The following ZMAT3 variants were observed in gnomAD, a reference collection of about 807,000 sequenced individuals.
ZMAT3 encodes the protein zinc finger matrin-type protein 3.
In ZMAT3, 17 loss-of-function variants were observed where a neutral mutation model predicts 32.3. That is an observed-to-expected ratio of 0.53 (90% CI 0.36 to 0.79). ZMAT3 has a LOEUF of 0.79. ZMAT3 is among the 30% of genes least tolerant of loss of function. The pLI, the probability that ZMAT3 is intolerant of heterozygous loss-of-function variation, is 0.00. For synonymous variants in ZMAT3, 120 were observed against 133.1 expected (o/e 0.90, Z 0.68); for missense variants, 329 against 359.7 (o/e 0.91, Z 0.69).
At chr3:179,068,626 G>A (rs1021199129) in intron 1 of ZMAT3, among the ~76,000 whole-genome samples, 1 of 152,112 alleles carries the variant, frequency 6.6e-6, no homozygotes, top group African/African-American at 2.4e-5. Context: ...AGCACTTATA[G>A]AACTAGCTAA....
chr3:179,031,561 GA>G (rs1719195180), intron 2 of ZMAT3, among the ~76,000 whole-genome samples: 1 of 152,138 alleles, frequency 6.6e-6, no homozygotes, highest in Non-Finnish European at 1.5e-5. Context: ...ATTTTTCTGG[GA>G]AAGACAAGAG....
chr3:179,024,771 A>G lies in ZMAT3; in HGVS notation c.*246T>C, dbSNP rs1718769497. 2.2e-6 allele frequency: 1 copy of G among 459,824 alleles called. No homozygotes were observed. The allele number at this position is 459,824 out of a possible 1,614,324, so 28.5% of individuals were successfully genotyped here. ...TGATGGGGTAGGTAGGTCACATGCT[A>G]TGAGCGGCTCAACACCATTGACCCT... On this transcript the variant is annotated 3_prime_UTR_variant, in exon 6 of 6. Transcript: ENST00000311417.
intron 2 of ZMAT3, among the ~76,000 whole-genome samples, chr3:179,044,811 A>T (rs1330161300): frequency 1.3e-5 from 2 of 152,074 alleles, no homozygotes; most frequent in African/African-American, 4.8e-5. Context: ...GTTCTCACTC[A>T]TACGTGGGAA....
At chr3:179,062,094 T>C (rs1310060609) in intron 2 of ZMAT3, among the ~76,000 whole-genome samples, 1 of 152,172 alleles carries the variant, frequency 6.6e-6, no homozygotes, top group African/African-American at 2.4e-5. Context: ...ATAAAAATAT[T>C]TTTAAATTTT....
intron 2 of ZMAT3, among the ~76,000 whole-genome samples, chr3:179,033,405 G>A (rs9835765): frequency 0.81 from 123,360 of 151,512 alleles, 50,601 homozygotes; most frequent in East Asian, 0.94. Flanking sequence ...CTCTGTTCAC[G>A]TGTTTATCTG....
At chr3:179,042,494 G>T (rs9855743) in intron 2 of ZMAT3, among the ~76,000 whole-genome samples, 94,307 of 152,002 alleles carry the variant, frequency 0.62, 29,429 homozygotes, top group East Asian at 0.8. Context: ...TCTCAATAGA[G>T]GCAGAAAAGG....
chr3:179,037,387 C>A (rs1336626959), intron 2 of ZMAT3, among the ~76,000 whole-genome samples: 1 of 152,210 alleles, frequency 6.6e-6, no homozygotes, highest in Non-Finnish European at 1.5e-5. Flanking sequence ...GGGCACCACC[C>A]ACATTCCCCT....
At chr3:179,065,379 T>C (rs909015840) in intron 2 of ZMAT3, among the ~76,000 whole-genome samples, 8 of 152,188 alleles carry the variant, frequency 5.3e-5, no homozygotes, top group African/African-American at 1.9e-4. Context: ...GTCAACTACA[T>C]AGTTTAGAAC....
chr3:179,027,550 T>A, intron 4 of ZMAT3, 27 bp from the exon 5 acceptor site: 3 of 1,613,910 alleles, frequency 1.9e-6, no homozygotes, highest in Non-Finnish European at 2.5e-6. Context: ...TAAAAAAGAG[T>A]GAGTCTTCTA....
intron 2 of ZMAT3, among the ~76,000 whole-genome samples, chr3:179,039,299 G>A (rs1435140012): frequency 1.3e-5 from 2 of 152,180 alleles, no homozygotes; most frequent in East Asian, 3.9e-4. Flanking sequence ...TGGGAGACAC[G>A]TCCCAGTAAG....
intron 2 of ZMAT3, among the ~76,000 whole-genome samples, chr3:179,060,570 G>A (rs557317241): frequency 6.6e-6 from 1 of 151,986 alleles, no homozygotes; most frequent in Non-Finnish European, 1.5e-5. Context: ...CTTAAACACA[G>A]GAGGCAGAAG....
intron 2 of ZMAT3, among the ~76,000 whole-genome samples, chr3:179,040,718 A>G (rs1212077607): frequency 2.0e-5 from 3 of 152,202 alleles, no homozygotes; most frequent in Non-Finnish European, 4.4e-5. Flanking sequence ...AAATTCACAC[A>G]TAACAATACT....
chr3:179,033,344 A>G (rs1248878431), intron 2 of ZMAT3, among the ~76,000 whole-genome samples: 1 of 152,196 alleles, frequency 6.6e-6, no homozygotes, highest in East Asian at 1.9e-4. Flanking sequence ...AGACACAAAC[A>G]CTGCGGAAGG....
Position 179,067,695 on chromosome 3 carries a change from G to A in ZMAT3, c.58C>T (p.Pro20Ser), listed in dbSNP as rs757749087. ...PPPKQPSPSP[P>S]MSVATRSTGT... is the part of the protein sequence containing the mutation. ...GTAGACCTGGTGGCCACTGACATAG[G>A]AGGCGAGGGTGAGGGCTGCTTAGGT... The change falls in exon 2 of 6, where the codon CCT becomes TCT. Residue 20 changes from proline (P) to serine (S), a missense_variant. Coordinates refer to ENST00000311417, the MANE Select transcript of ZMAT3 (RefSeq NM_022470.4). 63 of 1,614,058 alleles carry A rather than the reference G, an allele frequency of 3.9e-5. No homozygotes were observed. The highest frequency in any genetic ancestry group is 3.0e-4 in the Admixed American group (18 of 60,006).
chr3:179,067,230 T>C (rs1477148057), intron 2 of ZMAT3, among the ~76,000 whole-genome samples: 1 of 152,182 alleles, frequency 6.6e-6, no homozygotes, highest in Non-Finnish European at 1.5e-5. Flanking sequence ...TCATTTACAT[T>C]TGCCTACAAA....
intron 1 of ZMAT3, among the ~76,000 whole-genome samples, chr3:179,070,975 A>C (rs1207391655): frequency 1.3e-5 from 2 of 152,346 alleles, no homozygotes; most frequent in Middle Eastern, 3.4e-3. Context: ...CACCTCAGCA[A>C]ACTAGGTAAG....
chr3:179,071,074 A>G (rs1477804952), intron 1 of ZMAT3, among the ~76,000 whole-genome samples: 2 of 152,016 alleles, frequency 1.3e-5, no homozygotes, highest in African/African-American at 4.8e-5. Context: ...TGAGAGGGAG[A>G]AAAGTTAAAA....
chr3:179,035,312 T>A (rs536445929), intron 2 of ZMAT3, among the ~76,000 whole-genome samples: 194 of 152,384 alleles, frequency 1.3e-3, no homozygotes, highest in African/African-American at 4.6e-3. Flanking sequence ...CTGCTCATTA[T>A]GCTCCTGGCT....
chr3:179,026,379 CT>C (rs1235818885), intron 5 of ZMAT3, among the ~76,000 whole-genome samples: 4,734 of 65,824 alleles, frequency 0.072, 37 homozygotes, highest in African/African-American at 0.18. Context: ...ATGAATTGTG[CT>C]TTTTTTTTTT....
Sources: allele counts gnomAD v4.1 joint callset (sites outside exome capture counted in the v4.1 genomes callset), GRCh38; gene constraint gnomAD v4.1.1; transcripts MANE v1.5; gene names NCBI Gene and HGNC (gene_info 2026-07-23, HGNC 2026-07-21).